DNAJB14: variants seen among roughly 807,000 people sequenced by gnomAD.
The protein encoded by DNAJB14 is dnaJ homolog subfamily B member 14.
DNAJB14 carries 22 observed loss-of-function variants against 48.4 expected under a neutral mutation model. The ratio of observed to expected loss-of-function variants is 0.45; its 90% CI spans 0.32 to 0.65. The LOEUF (loss-of-function observed/expected upper bound fraction) is 0.65, where lower values mean the gene tolerates loss of function less well. Among genes scored for constraint, DNAJB14 ranks in the 30% least tolerant of loss-of-function variants. The probability of loss-of-function intolerance (pLI) is 0.03; values close to 1 mark genes in which losing one functional copy is unlikely to be tolerated. For missense variants in DNAJB14, 319 were observed against 458.8 expected (o/e 0.70, Z 2.78); for synonymous variants, 142 against 158.7 (o/e 0.89, Z 0.79).
rs1726861640 is a variant in DNAJB14 at position 99,940,733 on chromosome 4, A to C, written c.133+5706T>G. Reference sequence around the variant, plus strand: ...GCTGTCTAGCTTTTTAGACATTATTAAATTAAAAAAATATAATAATCTACC... The same window carrying C: ...GCTGTCTAGCTTTTTAGACATTATTCAATTAAAAAAATATAATAATCTACC... On this transcript the variant is annotated intron_variant, in intron 1 of 7. Transcript: ENST00000442697. Among the ~76,000 whole-genome samples the C allele has an allele frequency of 3.3e-5, 5 of 151,134 alleles. No individual in the cohort carries two copies. The South Asian group carries it at 1.0e-3, about 32-fold the overall frequency.
chr4:99,929,007 T>C (rs1726359892), intron 2 of DNAJB14: 1 of 152,730 alleles, frequency 6.5e-6, no homozygotes, highest in African/African-American at 2.4e-5. Flanking sequence ...AGCAGCATTA[T>C]TTATATTCTC....
intron 3 of DNAJB14, among the ~76,000 whole-genome samples, chr4:99,915,988 A>T (rs1337868736): frequency 6.6e-6 from 1 of 151,782 alleles, no homozygotes; most frequent in Non-Finnish European, 1.5e-5. Context: ...TTCTCTGGTA[A>T]TTTTTTTTAC....
intron 1 of DNAJB14, among the ~76,000 whole-genome samples, chr4:99,940,465 G>A (rs911147904): frequency 3.3e-5 from 5 of 152,054 alleles, no homozygotes; most frequent in African/African-American, 4.8e-5. Context: ...CGTGACACAC[G>A]CCTGTAGTCC....
intron 5 of DNAJB14, chr4:99,906,160 G>A: frequency 1.5e-6 from 2 of 1,324,722 alleles, no homozygotes; most frequent in Non-Finnish European, 2.0e-6. Context: ...ATTGCTATAG[G>A]CAATTAGGTA....
At chr4:99,907,650 C>G (rs1725514671) in intron 4 of DNAJB14, among the ~76,000 whole-genome samples, 2 of 152,026 alleles carry the variant, frequency 1.3e-5, no homozygotes, top group Admixed American at 1.3e-4. Flanking sequence ...TGTACTCCAG[C>G]CTGGGCAACA....
At chr4:99,945,316 A>G (rs1029009809) in intron 1 of DNAJB14, among the ~76,000 whole-genome samples, 3 of 152,236 alleles carry the variant, frequency 2.0e-5, no homozygotes, top group African/African-American at 7.2e-5. Flanking sequence ...GAGAAAAGCA[A>G]AGAGCACAGG....
At chr4:99,906,461 A>C (rs1578213407) in intron 5 of DNAJB14, 56 bp downstream of exon 5, 1 of 1,520,024 alleles carries the variant, frequency 6.6e-7, no homozygotes, top group East Asian at 2.3e-5. Flanking sequence ...AGACAACTCT[A>C]ATTACTTTTC....
chr4:99,938,604 G>C (rs1162588272), intron 1 of DNAJB14, among the ~76,000 whole-genome samples: 1 of 151,870 alleles, frequency 6.6e-6, no homozygotes, highest in Non-Finnish European at 1.5e-5. Context: ...GGGTAGCAGA[G>C]GGGGAGAGAG....
At chr4:99,941,263 G>A (rs888504075) in intron 1 of DNAJB14, among the ~76,000 whole-genome samples, 1 of 152,138 alleles carries the variant, frequency 6.6e-6, no homozygotes, top group African/African-American at 2.4e-5. Context: ...TGTAAGGGAT[G>A]AAGTCAGCAA....
chr4:99,938,439 C>G (rs558164327), intron 1 of DNAJB14, among the ~76,000 whole-genome samples: 1 of 148,824 alleles, frequency 6.7e-6, no homozygotes, highest in African/African-American at 2.5e-5. Context: ...TTGATGGTTA[C>G]GCTGTGATTA....
intron 1 of DNAJB14, among the ~76,000 whole-genome samples, chr4:99,935,810 G>A (rs534423838): frequency 6.6e-6 from 1 of 152,308 alleles, no homozygotes; most frequent in African/African-American, 2.4e-5. Flanking sequence ...GCTCACGCCT[G>A]TAATCCCAGC....
chr4:99,934,789 CAAAAAAAAAAAAAAAAA>C (rs1167945149), intron 1 of DNAJB14, among the ~76,000 whole-genome samples: 5 of 6,774 alleles, frequency 7.4e-4, no homozygotes, highest in Non-Finnish European at 1.2e-3. Flanking sequence ...AAGACTGTCT[CAAAAAAAAAAAAAAAAA>C]AAAAAAAAAA....
At chr4:99,945,966 T>C (rs1240273808) in intron 1 of DNAJB14, among the ~76,000 whole-genome samples, 2 of 152,214 alleles carry the variant, frequency 1.3e-5, no homozygotes, top group Admixed American at 6.5e-5. Flanking sequence ...ATGTTTGCTT[T>C]GGGAACAGTT....
chr4:99,933,647 C>A lies in DNAJB14; in HGVS notation c.134-3026G>T, dbSNP rs149184246. ...AGTCTGCAATCGCAATGAACGGAAA[C>A]CAGCATGGTCTAAGGGAGGTAGTGG... On this transcript the variant is annotated intron_variant, in intron 1 of 7. Coordinates refer to ENST00000442697, the MANE Select transcript of DNAJB14 (RefSeq NM_001031723.4). 6.4e-4 allele frequency among the ~76,000 whole-genome samples: 97 copies of A among 152,230 alleles called. No individual in the cohort carries two copies. In the East Asian group the frequency reaches 0.015, roughly 24 times the overall value.
rs1725248091 is a variant in DNAJB14, at chr4:99,900,152, G to A, written c.*876C>T. ...CACCAAGAAACTGCAAATTTCTATGGGGGAAAATGTGAGTCCTCTTCATAA... is the reference window on the plus strand; with the variant it reads ...CACCAAGAAACTGCAAATTTCTATGAGGGAAAATGTGAGTCCTCTTCATAA... On this transcript the variant is annotated 3_prime_UTR_variant, in exon 8 of 8. Coordinates refer to ENST00000442697, the MANE Select transcript of DNAJB14 (RefSeq NM_001031723.4). 1 of 152,184 alleles carries A rather than the reference G, an allele frequency of 6.6e-6. No individual in the cohort carries two copies. The highest frequency in any genetic ancestry group is 1.5e-5 in the Non-Finnish European group (1 of 67,808). 9.4% of individuals were successfully genotyped at this position (152,184 alleles called of 1,614,324 possible).
At chr4:99,907,213 T>G (rs1002030928) in intron 4 of DNAJB14, among the ~76,000 whole-genome samples, 4 of 152,192 alleles carry the variant, frequency 2.6e-5, no homozygotes, top group Non-Finnish European at 5.9e-5. Flanking sequence ...GCCTGAAAGA[T>G]TTCTGATTGT....
rs1442997310 is a variant in DNAJB14 at position 99,897,407 on chromosome 4, A to C, written c.*3621T>G. 1.3e-5 allele frequency: 2 copies of C among 151,794 alleles called. No individual in the cohort carries two copies. The highest frequency in any genetic ancestry group is 2.9e-5 in the Non-Finnish European group (2 of 67,814). The allele number at this position is 151,794 out of a possible 1,614,324, so 9.4% of individuals were successfully genotyped here. On this transcript the variant is annotated 3_prime_UTR_variant, in exon 8 of 8. Coordinates refer to ENST00000442697, the MANE Select transcript of DNAJB14 (RefSeq NM_001031723.4). Reference sequence around the variant, plus strand: ...GTTTTGAATTAATGTTTTGAGGAAAAGTGTTTCCATTTATATGAAAGTATC... The same window carrying C: ...GTTTTGAATTAATGTTTTGAGGAAACGTGTTTCCATTTATATGAAAGTATC...
At chr4:99,929,760 CTCTGTT>C (rs1382762080) in intron 2 of DNAJB14, 1 of 152,184 alleles carries the variant, frequency 6.6e-6, no homozygotes, top group Non-Finnish European at 1.5e-5. Flanking sequence ...TTGAATTAAT[CTCTGTT>C]CAAAATCCTT....
intron 1 of DNAJB14, among the ~76,000 whole-genome samples, chr4:99,930,945 A>T (rs971301506): frequency 1.3e-5 from 2 of 152,208 alleles, no homozygotes; most frequent in Admixed American, 6.5e-5. Flanking sequence ...AGCCAATGAG[A>T]TCATCCACAA....
Sources: gnomAD v4.1 joint callset for allele counts (sites outside exome capture counted in the v4.1 genomes callset) on GRCh38, gnomAD v4.1.1 for gene constraint, MANE v1.5 for transcripts, NCBI Gene and HGNC (gene_info 2026-07-23, HGNC 2026-07-21) for gene names.